RHBDD1: variants seen among roughly 807,000 people sequenced by gnomAD.
RHBDD1 encodes the protein rhomboid-related protein 4.
RHBDD1 carries 38 observed loss-of-function variants against 36.3 expected under a neutral mutation model. The observed-to-expected ratio is 1.05, with a 90% CI of 0.81 to 1.37. The LOEUF (loss-of-function observed/expected upper bound fraction) is 1.37, where lower values mean the gene tolerates loss of function less well. RHBDD1 is among the 40% of genes most tolerant of loss of function. The pLI is 0.00. For synonymous variants in RHBDD1, 151 were observed against 136.5 expected, an observed-to-expected ratio of 1.11 and a Z score of -0.74; for missense variants, 393 against 377.6, an observed-to-expected ratio of 1.04 and a Z score of -0.34.
At chr2:226,889,177 A>G (rs182333160) in intron 5 of RHBDD1, among the ~76,000 whole-genome samples, 1 of 152,272 alleles carries the variant, frequency 6.6e-6, no homozygotes, top group East Asian at 1.9e-4. Flanking sequence ...GGTATTTCCC[A>G]TGCTGCTGGA....
rs541908597 is a variant in RHBDD1, at chr2:226,850,417, A to G, written c.-91+10790A>G. 6.1e-4 allele frequency among the ~76,000 whole-genome samples: 93 copies of G among 152,318 alleles called. 1 individual carries two copies. The highest frequency in any genetic ancestry group is 2.2e-3 in the African/African-American group (90 of 41,588). ...GGTCCTCTATCCTGCCATTACAACA[A>G]TGCACAAAGGGTTTCATTTTATTTT... On this transcript the variant is annotated intron_variant, in intron 3 of 8. Transcript: ENST00000392062.
At chr2:226,950,624 C>G (rs1429960879) in intron 8 of RHBDD1, among the ~76,000 whole-genome samples, 1 of 152,108 alleles carries the variant, frequency 6.6e-6, no homozygotes, top group African/African-American at 2.4e-5. Context: ...GTTCCCCTTT[C>G]TCCACATCCT....
chr2:226,829,504 G>GAA, the RHBDD1 span, among the ~76,000 whole-genome samples: 1 of 152,288 alleles, frequency 6.6e-6, no homozygotes, highest in Non-Finnish European at 1.5e-5. Context: ...CTATGAATGT[G>GAA]AAATGTCAAT....
intron 5 of RHBDD1, among the ~76,000 whole-genome samples, chr2:226,883,286 G>T (rs777555822): frequency 3.9e-5 from 6 of 152,202 alleles, no homozygotes; most frequent in Admixed American, 1.3e-4. Flanking sequence ...AACATATATT[G>T]TGTTCTGTAA....
chr2:226,934,331 T>C (rs1035578480), intron 8 of RHBDD1, among the ~76,000 whole-genome samples: 1 of 152,098 alleles, frequency 6.6e-6, no homozygotes, highest in South Asian at 2.1e-4. Flanking sequence ...TAGGTTTGTG[T>C]AACTACACTT....
At chr2:226,816,375 C>CAAAAAAAAAAAAAAAAAAAAAGAAAAA in the RHBDD1 span, among the ~76,000 whole-genome samples, 1 of 64,940 alleles carries the variant, frequency 1.5e-5, no homozygotes. Flanking sequence ...GGAATGGTGG[C>CAAAAAAAAAAAAAAAAAAAAAGAAAAA]AAAAAAAAAA....
intron 8 of RHBDD1, chr2:226,988,710 A>G: frequency 4.2e-6 from 4 of 941,768 alleles, no homozygotes; most frequent in Non-Finnish European, 5.1e-6. Flanking sequence ...TACAGACCTC[A>G]TATACATAGA....
At chr2:226,925,375 T>A (rs1949595569) in intron 8 of RHBDD1, among the ~76,000 whole-genome samples, 1 of 152,180 alleles carries the variant, frequency 6.6e-6, no homozygotes, top group Non-Finnish European at 1.5e-5. Flanking sequence ...GTGGTTTCAT[T>A]GTAAAATGGA....
intron 8 of RHBDD1, among the ~76,000 whole-genome samples, chr2:226,941,875 A>G (rs918616723): frequency 7.2e-5 from 11 of 152,178 alleles, no homozygotes; most frequent in Non-Finnish European, 1.6e-4. Flanking sequence ...GGTAATGACT[A>G]TGCTGAGAAG....
At chr2:226,856,882 T>G (rs1383377098) in intron 3 of RHBDD1, among the ~76,000 whole-genome samples, 1 of 152,250 alleles carries the variant, frequency 6.6e-6, no homozygotes, top group Non-Finnish European at 1.5e-5. Flanking sequence ...TCTAAATAAT[T>G]GCACAGAATT....
the RHBDD1 span, among the ~76,000 whole-genome samples, chr2:226,828,258 T>C: frequency 3.5e-4 from 53 of 152,358 alleles, no homozygotes; most frequent in Middle Eastern, 3.4e-3. Context: ...ACTAACATAA[T>C]GTTTTTGAGG....
chr2:226,919,134 A>G (rs1949123840), intron 8 of RHBDD1, among the ~76,000 whole-genome samples: 1 of 152,040 alleles, frequency 6.6e-6, no homozygotes, highest in Non-Finnish European at 1.5e-5. Flanking sequence ...ATGTCTATTC[A>G]GATCTTTTGC....
intron 8 of RHBDD1, among the ~76,000 whole-genome samples, chr2:226,987,764 A>G (rs999839824): frequency 6.6e-6 from 1 of 152,198 alleles, no homozygotes; most frequent in African/African-American, 2.4e-5. Flanking sequence ...AGCATTTCTC[A>G]GTGACTTGAT....
At chr2:226,912,706 A>G (rs1948605056) in intron 7 of RHBDD1, among the ~76,000 whole-genome samples, 1 of 152,074 alleles carries the variant, frequency 6.6e-6, no homozygotes, top group Admixed American at 6.6e-5. Flanking sequence ...TGGAGAAGGG[A>G]TGGGAGGGTG....
intron 8 of RHBDD1, among the ~76,000 whole-genome samples, chr2:226,941,359 C>A (rs992386266): frequency 1.3e-5 from 2 of 152,222 alleles, no homozygotes. Flanking sequence ...GGCTTGACTG[C>A]AAATGGACTC....
chr2:226,866,590 T>A (rs946630998), intron 4 of RHBDD1, among the ~76,000 whole-genome samples: 4 of 152,188 alleles, frequency 2.6e-5, no homozygotes, highest in African/African-American at 9.7e-5. Context: ...CACTAGTTCC[T>A]TTTTACAGAT....
intron 8 of RHBDD1, among the ~76,000 whole-genome samples, chr2:226,993,000 C>T (rs1418045387): frequency 6.6e-6 from 1 of 152,142 alleles, no homozygotes. Context: ...TTATTCTTCT[C>T]ATGACATGAG....
intron 5 of RHBDD1, among the ~76,000 whole-genome samples, chr2:226,883,386 C>A (rs1019884727): frequency 3.3e-5 from 5 of 152,218 alleles, no homozygotes; most frequent in Non-Finnish European, 4.4e-5. Flanking sequence ...CATTTCTATA[C>A]CAACCAGAGG....
At chr2:226,816,347 A>G in the RHBDD1 span, among the ~76,000 whole-genome samples, 1 of 148,312 alleles carries the variant, frequency 6.7e-6, no homozygotes, top group African/African-American at 2.5e-5. Context: ...ACCTGGTTGC[A>G]TTAACAAGAA....
Sources: gnomAD v4.1 joint callset for allele counts (sites outside exome capture counted in the v4.1 genomes callset) on GRCh38, gnomAD v4.1.1 for gene constraint, MANE v1.5 for transcripts, NCBI Gene and HGNC (gene_info 2026-07-23, HGNC 2026-07-21) for gene names.